The following ANKH variants were observed in gnomAD, a reference collection of about 807,000 sequenced individuals.
The protein encoded by ANKH is ANKH inorganic pyrophosphate transport regulator.
A neutral mutation model predicts 49.0 loss-of-function variants in ANKH; 15 were observed. That is an observed-to-expected ratio of 0.31 (90% CI 0.20 to 0.47). The LOEUF is 0.47. ANKH is among the 20% of genes least tolerant of loss of function. ANKH has a pLI of 1.00. For synonymous variants in ANKH, 273 were observed against 260.0 expected (o/e 1.05, Z -0.48); for missense variants, 429 against 652.0 (o/e 0.66, Z 3.72).
intron 1 of ANKH, among the ~76,000 whole-genome samples, chr5:14,852,719 GGC>G (rs1180796828): frequency 1.3e-5 from 2 of 152,070 alleles, no homozygotes; most frequent in Admixed American, 1.3e-4. Context: ...TCAAGTTACA[GGC>G]ACAACTTTCT....
chr5:14,831,047 G>C (rs554198005), intron 1 of ANKH, among the ~76,000 whole-genome samples: 13 of 152,308 alleles, frequency 8.5e-5, no homozygotes, highest in South Asian at 4.1e-4. Flanking sequence ...TTGAATTTCA[G>C]CACCAGGTAC....
chr5:14,807,119 T>C (rs1282916503), intron 1 of ANKH, among the ~76,000 whole-genome samples: 2 of 150,612 alleles, frequency 1.3e-5, no homozygotes, highest in African/African-American at 4.9e-5. Flanking sequence ...ATTTCTTTTT[T>C]TTTTTTTTTT....
At chr5:14,851,615 A>C (rs747669865) in intron 1 of ANKH, among the ~76,000 whole-genome samples, 1 of 152,236 alleles carries the variant, frequency 6.6e-6, no homozygotes, top group Non-Finnish European at 1.5e-5. Context: ...TGAACTAAAA[A>C]GAAGAAAAAG....
chr5:14,729,495 A>G (rs1737927939), intron 8 of ANKH, among the ~76,000 whole-genome samples: 1 of 152,030 alleles, frequency 6.6e-6, no homozygotes, highest in Middle Eastern at 3.2e-3. Context: ...CCAAAAAAAA[A>G]AAAAAAGTCT....
At chr5:14,790,857 G>A (rs956783469) in intron 1 of ANKH, among the ~76,000 whole-genome samples, 1 of 152,166 alleles carries the variant, frequency 6.6e-6, no homozygotes, top group African/African-American at 2.4e-5. Context: ...AGATCCACCT[G>A]CCTTGGCCTC....
chr5:14,823,698 G>A (rs938807616), intron 1 of ANKH, among the ~76,000 whole-genome samples: 1 of 152,200 alleles, frequency 6.6e-6, no homozygotes, highest in Non-Finnish European at 1.5e-5. Flanking sequence ...AGGCCAAGGC[G>A]GGTGGATCAC....
intron 1 of ANKH, among the ~76,000 whole-genome samples, chr5:14,830,048 T>A (rs897983766): frequency 2.0e-5 from 3 of 152,198 alleles, no homozygotes; most frequent in Non-Finnish European, 4.4e-5. Flanking sequence ...GAGGCATGAA[T>A]TGATGTGAAG....
intron 1 of ANKH, among the ~76,000 whole-genome samples, chr5:14,781,642 A>T (rs1458561747): frequency 6.6e-6 from 1 of 152,148 alleles, no homozygotes; most frequent in Non-Finnish European, 1.5e-5. Context: ...AATTCTCCTG[A>T]TCTCTCATGA....
At chr5:14,730,517 C>T (rs1284119476) in intron 8 of ANKH, among the ~76,000 whole-genome samples, 1 of 152,110 alleles carries the variant, frequency 6.6e-6, no homozygotes, top group Non-Finnish European at 1.5e-5. Context: ...CTCATGGTCC[C>T]CAGGTGTGGA....
intron 1 of ANKH, among the ~76,000 whole-genome samples, chr5:14,791,697 A>G (rs1169990208): frequency 2.6e-5 from 4 of 152,200 alleles, no homozygotes; most frequent in Admixed American, 1.3e-4. Context: ...GTGTGTGCAA[A>G]GAATGCCAGT....
At chr5:14,732,023 G>A (rs1332060394) in intron 8 of ANKH, among the ~76,000 whole-genome samples, 1 of 152,188 alleles carries the variant, frequency 6.6e-6, no homozygotes, top group Admixed American at 6.5e-5. Context: ...CTGTGGACAC[G>A]CGGGTGTTCT....
At chr5:14,847,529 A>G (rs923097650) in intron 1 of ANKH, among the ~76,000 whole-genome samples, 8 of 152,236 alleles carry the variant, frequency 5.3e-5, no homozygotes, top group Admixed American at 2.6e-4. Flanking sequence ...GGCTTCCATC[A>G]GGATTCCTGT....
chr5:14,798,139 C>T (rs1298363052), intron 1 of ANKH: 14 of 1,550,068 alleles, frequency 9.0e-6, no homozygotes, highest in Middle Eastern at 1.9e-4. Flanking sequence ...GCATCATCAT[C>T]AGGCAGCTGC....
At chr5:14,843,519 C>T (rs1741870822) in intron 1 of ANKH, among the ~76,000 whole-genome samples, 1 of 142,938 alleles carries the variant, frequency 7.0e-6, no homozygotes, top group Admixed American at 7.2e-5. Context: ...CTAATGAGCC[C>T]TTCTCCCAAA....
intron 1 of ANKH, among the ~76,000 whole-genome samples, chr5:14,783,330 A>ACACC (rs1304345867): frequency 7.0e-6 from 1 of 142,500 alleles, no homozygotes; most frequent in African/African-American, 2.6e-5. Context: ...ACACACACAC[A>ACACC]CCACACATGG....
intron 1 of ANKH, among the ~76,000 whole-genome samples, chr5:14,860,155 T>G (rs1329378849): frequency 1.3e-5 from 2 of 152,228 alleles, no homozygotes; most frequent in East Asian, 3.9e-4. Flanking sequence ...GCCAGGTGTC[T>G]TCTCAGGTGA....
At chr5:14,778,539 C>G (rs1405451875) in intron 1 of ANKH, among the ~76,000 whole-genome samples, 1 of 152,146 alleles carries the variant, frequency 6.6e-6, no homozygotes, top group East Asian at 1.9e-4. Flanking sequence ...CAGAGTTGCT[C>G]CCCTTCTCAA....
chr5:14,730,939 C>T (rs1369839784), intron 8 of ANKH, among the ~76,000 whole-genome samples: 16 of 152,266 alleles, frequency 1.1e-4, no homozygotes, highest in Admixed American at 9.2e-4. Context: ...GGAAAAGGGG[C>T]GGTGCCTGTC....
In ANKH at chr5:14,745,890, C is replaced by T. The variant is rs1738517780; in HGVS notation, c.895G>A (p.Val299Met). Reference sequence around the variant, plus strand: ...CTCACCTTGTCGAAAGCAGGATACACAGCACGGATTTCCGTCAACCAGCCG... The same window carrying T: ...CTCACCTTGTCGAAAGCAGGATACATAGCACGGATTTCCGTCAACCAGCCG... ...PYGWLTEIRA[V>M]YPAFDKNNPS... The change falls in exon 7 of 12, where the codon GTG becomes ATG. Residue 299 changes from valine (V) to methionine (M), a missense_variant. This residue lies in a region of ANKH where 378 missense variants were observed against 615.3 expected (regional missense o/e 0.61). Transcript: ENST00000284268. The surrounding 1 kb of genome is among the most constrained non-coding windows in gnomAD (Gnocchi z 4.7). 6.2e-7 allele frequency: 1 copy of T among 1,614,228 alleles called. No homozygotes were observed. The highest frequency in any genetic ancestry group is 8.5e-7 in the Non-Finnish European group (1 of 1,180,048).
Sources: allele counts gnomAD v4.1 joint callset (sites outside exome capture counted in the v4.1 genomes callset), GRCh38; gene constraint gnomAD v4.1.1; regional missense constraint gnomAD v4.1.1; non-coding constraint Gnocchi (gnomAD v3.1); transcripts MANE v1.5; gene names NCBI Gene and HGNC (gene_info 2026-07-23, HGNC 2026-07-21).